The following PAK1 variants were observed in gnomAD, a reference collection of about 807,000 sequenced individuals.
PAK1 encodes serine/threonine-protein kinase PAK 1.
In PAK1, 29 loss-of-function variants were observed where a neutral mutation model predicts 67.4. The ratio of observed to expected loss-of-function variants is 0.43; its 90% confidence interval spans 0.32 to 0.59. PAK1 has a LOEUF of 0.59. Among genes scored for constraint, PAK1 ranks in the 20% least tolerant of loss-of-function variants. The pLI, the probability that PAK1 is intolerant of heterozygous loss-of-function variation, is 0.07. For missense variants in PAK1, 337 were observed against 670.7 expected, an observed-to-expected ratio of 0.50 and a Z score of 5.50; for synonymous variants, 223 against 237.4, an observed-to-expected ratio of 0.94 and a Z score of 0.56.
chr11:77,482,070 G>T, the PAK1 span, among the ~76,000 whole-genome samples: 1 of 151,606 alleles, frequency 6.6e-6, no homozygotes, highest in Non-Finnish European at 1.5e-5. Flanking sequence ...CTCACTGCAA[G>T]CTCCGCCTCC....
At chr11:77,364,228 A>G (rs1947191202) in intron 5 of PAK1, among the ~76,000 whole-genome samples, 1 of 152,234 alleles carries the variant, frequency 6.6e-6, no homozygotes, top group South Asian at 2.1e-4. Context: ...AGAGCCCAAC[A>G]TAAAGTAAAA....
chr11:77,370,211 C>A (rs571093364), intron 5 of PAK1, among the ~76,000 whole-genome samples: 15 of 152,264 alleles, frequency 9.9e-5, no homozygotes, highest in African/African-American at 2.9e-4. Context: ...GAAATTTACT[C>A]TTGGGATGGA....
At chr11:77,487,142 T>A in the PAK1 span, among the ~76,000 whole-genome samples, 1 of 152,118 alleles carries the variant, frequency 6.6e-6, no homozygotes, top group East Asian at 1.9e-4. Flanking sequence ...ACAGGTAGAA[T>A]CCTGAGGACC....
At chr11:77,422,673 A>G (rs541841329) in intron 1 of PAK1, among the ~76,000 whole-genome samples, 32 of 152,322 alleles carry the variant, frequency 2.1e-4, no homozygotes, top group African/African-American at 7.0e-4. Flanking sequence ...GTAATGAGAC[A>G]ATTAAACACT....
At chr11:77,392,244 G>A in intron 2 of PAK1, 87 bp downstream of exon 2, 1 of 951,904 alleles carries the variant, frequency 1.1e-6, no homozygotes, top group South Asian at 2.0e-5. Context: ...GGAAAATTAA[G>A]TCAAAGACAA....
intron 1 of PAK1, among the ~76,000 whole-genome samples, chr11:77,465,310 C>T (rs1243066002): frequency 1.3e-5 from 2 of 152,060 alleles, no homozygotes; most frequent in Non-Finnish European, 2.9e-5. Flanking sequence ...AACTTCCCAG[C>T]TACATAATCA....
At chr11:77,403,465 G>T (rs984235408) in intron 1 of PAK1, among the ~76,000 whole-genome samples, 2 of 152,170 alleles carry the variant, frequency 1.3e-5, no homozygotes, top group African/African-American at 4.8e-5. Flanking sequence ...TACATAGAAT[G>T]AATCATATAT....
intron 6 of PAK1, among the ~76,000 whole-genome samples, chr11:77,358,326 G>T (rs1444530022): frequency 6.9e-6 from 1 of 144,366 alleles, no homozygotes; most frequent in Non-Finnish European, 1.5e-5. Flanking sequence ...TCAAAGCAAG[G>T]TTAGAGGGAC....
chr11:77,351,666 T>C (rs1363870103), intron 8 of PAK1, among the ~76,000 whole-genome samples: 1 of 152,018 alleles, frequency 6.6e-6, no homozygotes, highest in African/African-American at 2.4e-5. Context: ...AAATAACAGA[T>C]GTGAACTGTA....
the PAK1 span, among the ~76,000 whole-genome samples, chr11:77,501,214 A>G: frequency 1.3e-5 from 2 of 152,308 alleles, no homozygotes; most frequent in African/African-American, 4.8e-5. Flanking sequence ...TTTTGAAGTT[A>G]GTAGAATTTG....
chr11:77,417,743 T>C (rs1423324370), intron 1 of PAK1, among the ~76,000 whole-genome samples: 4 of 151,778 alleles, frequency 2.6e-5, no homozygotes, highest in Non-Finnish European at 5.9e-5. Context: ...CTTTTCTTTT[T>C]TTTTTTTTGA....
the PAK1 span, among the ~76,000 whole-genome samples, chr11:77,499,784 G>C: frequency 6.6e-6 from 1 of 152,096 alleles, no homozygotes; most frequent in African/African-American, 2.4e-5. Flanking sequence ...GAGTTGGTTT[G>C]TGCTGACACT....
intron 8 of PAK1, among the ~76,000 whole-genome samples, chr11:77,351,273 T>C (rs1296478728): frequency 6.6e-6 from 1 of 151,654 alleles, no homozygotes; most frequent in Non-Finnish European, 1.5e-5. Context: ...ATTATGCAGA[T>C]GTTGCCTATT....
intron 14 of PAK1, among the ~76,000 whole-genome samples, chr11:77,327,374 C>G (rs1940241530): frequency 6.6e-6 from 1 of 152,172 alleles, no homozygotes; most frequent in East Asian, 1.9e-4. Flanking sequence ...ATGTTAAGGG[C>G]AGCCAGAGAG....
At chr11:77,337,512 C>A in intron 11 of PAK1, 89 bp from the exon 12 acceptor site, 1 of 608,748 alleles carries the variant, frequency 1.6e-6, no homozygotes, top group Non-Finnish European at 2.8e-6. Context: ...TCAACCTCTT[C>A]ACTTTAAAAT....
chr11:77,460,854 G>C (rs1957312978), intron 1 of PAK1, among the ~76,000 whole-genome samples: 1 of 152,164 alleles, frequency 6.6e-6, no homozygotes, highest in African/African-American at 2.4e-5. Context: ...ATGAGGCAAA[G>C]TCTGGAGGGT....
At chr11:77,430,659 C>G (rs1955817530) in intron 1 of PAK1, among the ~76,000 whole-genome samples, 1 of 152,200 alleles carries the variant, frequency 6.6e-6, no homozygotes, top group Admixed American at 6.5e-5. Flanking sequence ...AGAGTTAGAT[C>G]CAGTTGTGAT....
At chr11:77,434,874 C>T (rs1272798307) in intron 1 of PAK1, among the ~76,000 whole-genome samples, 2 of 152,028 alleles carry the variant, frequency 1.3e-5, no homozygotes, top group Admixed American at 1.3e-4. Context: ...CTACCTCGGC[C>T]TCTCAAAGTG....
chr11:77,375,355 T>A (rs919191747), intron 4 of PAK1, among the ~76,000 whole-genome samples: 2 of 152,192 alleles, frequency 1.3e-5, no homozygotes, highest in African/African-American at 4.8e-5. Flanking sequence ...TCAGCTTTCA[T>A]AAAGGATCCT....
Sources: gnomAD v4.1 joint callset for allele counts (sites outside exome capture counted in the v4.1 genomes callset) on GRCh38, gnomAD v4.1.1 for gene constraint, MANE v1.5 for transcripts, NCBI Gene and HGNC (gene_info 2026-07-23, HGNC 2026-07-21) for gene names.